TWF1: variants seen among roughly 807,000 people sequenced by gnomAD.
TWF1 encodes twinfilin actin binding protein 1.
In TWF1, 14 loss-of-function variants were observed where a neutral mutation model predicts 47.9. That is an observed-to-expected ratio of 0.29 (90% CI 0.19 to 0.46). The LOEUF (loss-of-function observed/expected upper bound fraction) is 0.46, where lower values mean the gene tolerates loss of function less well. Ranked by LOEUF, TWF1 falls within the 20% of genes least tolerant of loss-of-function variation. TWF1 has a pLI of 1.00. For synonymous variants in TWF1, 96 were observed against 139.2 expected (o/e 0.69, Z 2.18); for missense variants, 281 against 409.3 (o/e 0.69, Z 2.70).
At chr12:43,798,525 T>G in intron 5 of TWF1, 1 of 1,487,248 alleles carries the variant, frequency 6.7e-7, no homozygotes. Flanking sequence ...TAAATGATAT[T>G]GGTTAATGAA....
In TWF1 at chr12:43,795,588, A is replaced by G. The variant is rs556690530; in HGVS notation, c.1050T>C (p.Asp350=). Residue 350 remains aspartate, a synonymous_variant, in exon 9 of 9, where the codon GAT becomes GAC. Transcript: ENST00000395510. ...RGPAETEATT[D] ...TACAATGTTTAATGTGATGACTTTA[A>G]TCAGTAGTAGCTTCAGTTTCCGCTG... is the stretch of plus-strand genomic sequence containing the variant. 1 of 1,611,536 alleles carries G rather than the reference A, an allele frequency of 6.2e-7. No homozygotes were observed. The highest frequency in any genetic ancestry group is 8.5e-7 in the Non-Finnish European group (1 of 1,179,640).
intron 5 of TWF1, among the ~76,000 whole-genome samples, chr12:43,798,985 GAGTTCATAGA>G (rs546312452): frequency 9.0e-4 from 137 of 152,130 alleles, no homozygotes; most frequent in Admixed American, 2.6e-3. Flanking sequence ...TATTCAAGTA[GAGTTCATAGA>G]AGTTAATTTG....
chr12:43,804,621 A>G (rs1942723605), intron 1 of TWF1, 49 bp from the exon 2 acceptor site: 1 of 1,301,456 alleles, frequency 7.7e-7, no homozygotes, highest in African/African-American at 1.5e-5. Flanking sequence ...ACATATAAAT[A>G]CTTTCCTATC....
In TWF1 at chr12:43,797,040, G is replaced by C. The variant is rs777514139; in HGVS notation, c.818C>G (p.Ser273Cys). 3.7e-5 allele frequency: 59 copies of C among 1,611,304 alleles called. No individual in the cohort carries two copies. Among genetic ancestry groups the C allele is most frequent in the Admixed American group, 6.7e-5 (4 of 59,932 alleles). ...TTCTAGCAGACGGCTCTTGCAGCTA[G>C]AATACAGCATCCGCTCTCTTATACT... is the stretch of plus-strand genomic sequence containing the variant. Reference protein sequence around the residue: ...TCSIRERMLYSSCKSRLLEIV... With the variant: ...TCSIRERMLYCSCKSRLLEIV... The change falls in exon 8 of 9, where the codon TCT becomes TGT. Residue 273 changes from serine (S) to cysteine (C), a missense_variant. Physicochemically the swap from Ser to Cys is moderately radical, Grantham distance 112. Transcript: ENST00000395510.
At chr12:43,804,374 G>GT in intron 2 of TWF1, 121 bp downstream of exon 2, 2 of 677,944 alleles carry the variant, frequency 3.0e-6, no homozygotes, top group East Asian at 2.9e-5. Context: ...CCAAGTTACC[G>GT]TAAGATTTGA....
intron 1 of TWF1, chr12:43,806,014 C>G: frequency 6.6e-7 from 1 of 1,524,402 alleles, no homozygotes; most frequent in Non-Finnish European, 8.8e-7. Context: ...TGCAACGTGA[C>G]GGCAGCAGGG....
chr12:43,802,216 T>C lies in TWF1; in HGVS notation c.282+70A>G, dbSNP rs951889911. On this transcript the variant is annotated intron_variant, in intron 3 of 8. Transcript: ENST00000395510. Reference sequence around the variant, plus strand: ...AATAATTATTGTTTTTTAACCTTTATTTGACCTAGAAATTTCAAAAACATT... The same window carrying C: ...AATAATTATTGTTTTTTAACCTTTACTTGACCTAGAAATTTCAAAAACATT... 4 of 1,067,918 alleles carry C rather than the reference T, an allele frequency of 3.7e-6. No individual in the cohort carries two copies. The African/African-American group carries it at 5.0e-5, about 13-fold the overall frequency. The allele number at this position is 1,067,918 out of a possible 1,614,324, so 66.2% of individuals were successfully genotyped here. A position where few individuals can be genotyped will look rare whatever the true frequency, so the allele number is the denominator to read the frequency against.
intron 2 of TWF1, 87 bp downstream of exon 2, chr12:43,804,408 T>C (rs1942718867): frequency 8.2e-6 from 7 of 856,362 alleles, no homozygotes; most frequent in East Asian, 2.7e-5. Flanking sequence ...TAATTAATAG[T>C]TCAAATCACT....
chr12:43,805,891 T>A, intron 1 of TWF1: 1 of 1,462,822 alleles, frequency 6.8e-7, no homozygotes, highest in Non-Finnish European at 9.1e-7. Flanking sequence ...CTTCCCTACG[T>A]GACCAAAAGG....
Position 43,797,730 on chromosome 12 carries a change from C to G in TWF1, c.587G>C (p.Arg196Thr). 1 of 1,612,546 alleles carries G rather than the reference C, an allele frequency of 6.2e-7. No homozygotes were observed. The highest frequency in any genetic ancestry group is 8.5e-7 in the Non-Finnish European group (1 of 1,179,530). ...TACCAACTGCACATAGTTGAGCTGT[C>G]TATTATTCAATTTTTCCAAAGCCTG... ...AFQALEKLNN[R>T]QLNYVQLEID... is the part of the protein sequence containing the mutation. The change falls in exon 6 of 9, where the codon AGA (arginine) becomes ACA (threonine). Residue 196 changes from arginine (R) to threonine (T), a missense_variant. By Grantham distance (71) the Arg-to-Thr change is moderately conservative (BLOSUM62 -1). Coordinates refer to ENST00000395510, the MANE Select transcript of TWF1 (RefSeq NM_002822.5).
chr12:43,802,328 T>C lies in TWF1; in HGVS notation c.240A>G (p.Gly80=). 1 of 1,590,332 alleles carries C rather than the reference T, an allele frequency of 6.3e-7. No homozygotes were observed. Residue 80 remains glycine (G), a synonymous_variant, in exon 3 of 9, where the codon GGA becomes GGG. Coordinates refer to ENST00000395510, the MANE Select transcript of TWF1 (RefSeq NM_002822.5). ...LFRLDSQNAQ[G]YEWIFIAWSP... ...ACCATGCAATGAATATCCATTCATATCCCTGGGCATTCTGAGAATCTAACC... is the reference window on the plus strand; with the variant it reads ...ACCATGCAATGAATATCCATTCATACCCCTGGGCATTCTGAGAATCTAACC...
chr12:43,800,067 T>C (rs1357612587), intron 4 of TWF1, among the ~76,000 whole-genome samples: 1 of 152,098 alleles, frequency 6.6e-6, no homozygotes, highest in Non-Finnish European at 1.5e-5. Flanking sequence ...TCCCATCTAG[T>C]CTTGTGCTCT....
intron 1 of TWF1, chr12:43,805,794 T>G: frequency 7.4e-7 from 1 of 1,358,914 alleles, no homozygotes; most frequent in South Asian, 1.1e-5. Flanking sequence ...CAAAGTCCTG[T>G]AATATTCTCC....
intron 8 of TWF1, 32 bp from the exon 9 acceptor site, chr12:43,795,787 C>A: frequency 1.2e-6 from 2 of 1,607,350 alleles, no homozygotes; most frequent in African/African-American, 1.3e-5. Flanking sequence ...GCACAACATT[C>A]AAAACCTAAT....
rs930456585 is a variant in TWF1 at position 43,793,895 on chromosome 12, T to C, written c.*1690A>G. 6.6e-6 allele frequency: 1 copy of C among 152,658 alleles called. No homozygotes were observed. Among genetic ancestry groups the C allele is most frequent in the Non-Finnish European group, 1.5e-5 (1 of 68,050 alleles). 9.5% of individuals were successfully genotyped at this position (152,658 alleles called of 1,614,324 possible). On this transcript the variant is annotated 3_prime_UTR_variant, in exon 9 of 9. Coordinates refer to ENST00000395510, the MANE Select transcript of TWF1 (RefSeq NM_002822.5). ...ACGATGAGTTATACTCTATAACAAA[T>C]GCATCACTGATTTTCAGCAATCATT...
In TWF1 at chr12:43,796,973, T is replaced by A. The variant is rs1311796236; in HGVS notation, c.882+3A>T. On this transcript the variant is annotated splice_donor_region_variant and intron_variant, in intron 8 of 8. Transcript: ENST00000395510. ...ACTGAAGATTTTAAAATAGGTGGGC[T>A]ACCTTTCTAATTACATCCATTTGTA... The A allele has an allele frequency of 1.9e-6, 3 of 1,607,200 alleles. No individual in the cohort carries two copies. The highest frequency in any genetic ancestry group is 2.5e-6 in the Non-Finnish European group (3 of 1,178,494).
At chr12:43,803,015 T>G (rs542771925) in intron 2 of TWF1, among the ~76,000 whole-genome samples, 1 of 152,300 alleles carries the variant, frequency 6.6e-6, no homozygotes, top group East Asian at 1.9e-4. Flanking sequence ...TAATCTACTA[T>G]GCATACAGAA....
intron 3 of TWF1, among the ~76,000 whole-genome samples, 156 bp downstream of exon 3, chr12:43,802,130 T>C (rs2138146001): frequency 6.6e-6 from 1 of 152,354 alleles, no homozygotes; most frequent in African/African-American, 2.4e-5. Flanking sequence ...CTAAGCACAT[T>C]ATTCCTGATT....
chr12:43,804,776 TTAA>T (rs1475217751), intron 1 of TWF1, among the ~76,000 whole-genome samples: 1 of 152,242 alleles, frequency 6.6e-6, no homozygotes, highest in Non-Finnish European at 1.5e-5. Flanking sequence ...TAAAAGTATG[TTAA>T]TAATTCTAAT....
Sources: allele counts gnomAD v4.1 joint callset (sites outside exome capture counted in the v4.1 genomes callset), GRCh38; gene constraint gnomAD v4.1.1; transcripts MANE v1.5; gene names NCBI Gene and HGNC (gene_info 2026-07-23, HGNC 2026-07-21).